RALB: variants seen among roughly 807,000 people sequenced by gnomAD.
RALB encodes the protein ras-related protein Ral-B.
A neutral mutation model predicts 21.3 loss-of-function variants in RALB; 16 were observed. The observed-to-expected ratio is 0.75, with a 90% CI of 0.51 to 1.14. The LOEUF is 1.14. Ranked by LOEUF, RALB falls within the 50% of genes most tolerant of loss-of-function variation. The probability of loss-of-function intolerance (pLI) is 0.00; values close to 1 mark genes in which losing one functional copy is unlikely to be tolerated. For missense variants in RALB, 161 were observed against 256.2 expected, an observed-to-expected ratio of 0.63 and a Z score of 2.54; for synonymous variants, 93 against 96.1, an observed-to-expected ratio of 0.97 and a Z score of 0.19.
intron 1 of RALB, among the ~76,000 whole-genome samples, chr2:120,271,237 A>G (rs1237367090): frequency 6.6e-6 from 1 of 152,000 alleles, no homozygotes; most frequent in African/African-American, 2.4e-5. Context: ...GGTTTTATGT[A>G]CTATGATTTG....
intron 1 of RALB, 103 bp downstream of exon 1, chr2:120,253,083 TG>T: frequency 1.3e-6 from 1 of 796,218 alleles, no homozygotes; most frequent in Non-Finnish European, 1.5e-6. Flanking sequence ...TGCCGGGCTG[TG>T]GCCGGGCGGC....
chr2:120,286,175 C>T (rs1690129549), intron 3 of RALB, 93 bp downstream of exon 3: 1 of 1,011,920 alleles, frequency 9.9e-7, no homozygotes, highest in African/African-American at 1.6e-5. Context: ...GCTGAGCATA[C>T]TAGGAGAGGG....
At chr2:120,263,445 A>G (rs1004158826) in intron 1 of RALB, among the ~76,000 whole-genome samples, 2 of 152,234 alleles carry the variant, frequency 1.3e-5, no homozygotes, top group Non-Finnish European at 2.9e-5. Flanking sequence ...GGCATAAGCC[A>G]CTGTGCCCAG....
intron 1 of RALB, among the ~76,000 whole-genome samples, chr2:120,243,332 C>T (rs1302133203): frequency 6.6e-6 from 1 of 152,256 alleles, no homozygotes; most frequent in Non-Finnish European, 1.5e-5. Context: ...AGTCCAGAGG[C>T]TATGGCTGGG....
chr2:120,247,115 G>C (rs1001005367), intron 1 of RALB, among the ~76,000 whole-genome samples: 2 of 152,174 alleles, frequency 1.3e-5, no homozygotes, highest in Non-Finnish European at 2.9e-5. Context: ...TGTTGTTCCC[G>C]TGCAGGTTGT....
chr2:120,285,128 C>A (rs921877484), intron 2 of RALB, among the ~76,000 whole-genome samples: 3 of 152,122 alleles, frequency 2.0e-5, no homozygotes, highest in African/African-American at 7.2e-5. Context: ...AGGAAACTTA[C>A]AATCATGGCA....
At chr2:120,272,289 C>T (rs1421486709) in intron 1 of RALB, among the ~76,000 whole-genome samples, 2 of 152,180 alleles carry the variant, frequency 1.3e-5, no homozygotes, top group African/African-American at 4.8e-5. Flanking sequence ...AAGTGGTCCC[C>T]GCCCCACAGA....
intron 1 of RALB, among the ~76,000 whole-genome samples, chr2:120,261,233 G>T (rs976249363): frequency 1.3e-5 from 2 of 152,170 alleles, no homozygotes. Flanking sequence ...TGCTGTTGGG[G>T]ATGATCCTGT....
intron 1 of RALB, among the ~76,000 whole-genome samples, chr2:120,241,819 G>T (rs1172879907): frequency 2.6e-5 from 4 of 152,222 alleles, no homozygotes; most frequent in Non-Finnish European, 5.9e-5. Context: ...CACTGCGGGT[G>T]GGAATGCGTA....
At chr2:120,276,934 C>G (rs1322456210) in intron 1 of RALB, among the ~76,000 whole-genome samples, 1 of 152,178 alleles carries the variant, frequency 6.6e-6, no homozygotes, top group Non-Finnish European at 1.5e-5. Context: ...AAGCCCTGCC[C>G]TTTATTCTTG....
intron 1 of RALB, among the ~76,000 whole-genome samples, chr2:120,277,350 C>CACGT (rs1689825716): frequency 6.7e-6 from 1 of 148,888 alleles, no homozygotes; most frequent in Non-Finnish European, 1.5e-5. Context: ...AGCATGTGAA[C>CACGT]ATGTGTGTGA....
At chr2:120,268,667 C>T (rs773990849) in intron 1 of RALB, among the ~76,000 whole-genome samples, 11 of 152,258 alleles carry the variant, frequency 7.2e-5, no homozygotes, top group Non-Finnish European at 1.3e-4. Context: ...GAGCAAGAAC[C>T]TATCCTAAAA....
chr2:120,285,570 T>TAAAA (rs9308778), intron 2 of RALB, among the ~76,000 whole-genome samples: 89,866 of 151,424 alleles, frequency 0.59, 27,208 homozygotes, highest in Middle Eastern at 0.74. Flanking sequence ...AAAGTATAAT[T>TAAAA]AAAAAAGAAT....
intron 2 of RALB, among the ~76,000 whole-genome samples, chr2:120,285,206 C>T (rs571154297): frequency 2.4e-4 from 36 of 152,210 alleles, no homozygotes; most frequent in African/African-American, 8.2e-4. Flanking sequence ...GGGAAAAGCC[C>T]CTTATGAAAC....
intron 1 of RALB, among the ~76,000 whole-genome samples, chr2:120,265,337 T>C (rs1689476897): frequency 6.6e-6 from 1 of 152,208 alleles, no homozygotes; most frequent in Admixed American, 6.5e-5. Flanking sequence ...TGTAAACATA[T>C]CGAAACGTAG....
rs562115337 is a variant in RALB at position 120,247,548 on chromosome 2, G to T, written c.19+7423G>T. On this transcript the variant is annotated intron_variant, in intron 1 of 3. Transcript: ENST00000447591. The stretch of plus-strand genomic sequence containing the variant: ...TCAATACCACACTTAGGGAAAAGTG[G>T]TTTTTAAAGTCCCTCGTAAAGTCCT... 1.1e-4 allele frequency among the ~76,000 whole-genome samples: 17 copies of T among 152,282 alleles called. No homozygotes were observed. The East Asian group carries it at 1.3e-3, about 12-fold the overall frequency.
At chr2:120,248,132 C>G (rs1274575820), upstream of RALB, among the ~76,000 whole-genome samples, 2 of 152,238 alleles carry the variant, frequency 1.3e-5, no homozygotes, top group African/African-American at 4.8e-5. Flanking sequence ...GGAATAGTGT[C>G]TGTCCAGAAT....
rs551389064 is a variant in RALB at position 120,259,658 on chromosome 2, C to A, written c.-48+6678C>A. On this transcript the variant is annotated intron_variant, in intron 1 of 4. Transcript: ENST00000272519. ...CTAGATATAAAGACTCTCCACGTCC[C>A]CACCAGACTCAGGAGCCCAGCTGGC... Among the ~76,000 whole-genome samples, 327 of 152,374 alleles carry A rather than the reference C, an allele frequency of 2.1e-3. 1 individual carries two copies. Among genetic ancestry groups the A allele is most frequent in the Non-Finnish European group, 3.8e-3 (261 of 68,028 alleles).
intron 1 of RALB, 145 bp downstream of exon 1, chr2:120,253,125 GA>G: frequency 1.9e-6 from 1 of 538,466 alleles, no homozygotes; most frequent in Non-Finnish European, 2.4e-6. Flanking sequence ...GAGGCCGGCG[GA>G]GGGCGACGCC....
Sources: gnomAD v4.1 joint callset for allele counts (sites outside exome capture counted in the v4.1 genomes callset) on GRCh38, gnomAD v4.1.1 for gene constraint, MANE v1.5 for transcripts, NCBI Gene and HGNC (gene_info 2026-07-23, HGNC 2026-07-21) for gene names.